TJP1: variants seen among roughly 807,000 people sequenced by gnomAD.
TJP1 encodes the protein tight junction protein ZO-1.
In TJP1, 43 loss-of-function variants were observed where a neutral mutation model predicts 194.2. The observed-to-expected ratio is 0.22, with a 90% CI of 0.17 to 0.29. The LOEUF is 0.29. Among genes scored for constraint, TJP1 ranks in the 10% least tolerant of loss-of-function variants. The pLI is 1.00. For missense variants in TJP1, 1,971 were observed against 2,185.7 expected, an observed-to-expected ratio of 0.90 and a Z score of 1.96; for synonymous variants, 801 against 779.0, an observed-to-expected ratio of 1.03 and a Z score of -0.47.
intron 19 of TJP1, 29 bp from the exon 20 acceptor site, chr15:29,720,045 T>C (rs767915020): frequency 9.0e-6 from 14 of 1,563,742 alleles, no homozygotes; most frequent in African/African-American, 5.5e-5. Flanking sequence ...ATTTTAAATA[T>C]AGTGTTTCTG....
At chr15:29,766,200 T>G in intron 5 of TJP1, 66 bp downstream of exon 5, 1 of 1,552,882 alleles carries the variant, frequency 6.4e-7, no homozygotes, top group Non-Finnish European at 8.7e-7. Context: ...ACAGCAACTG[T>G]ACTTCTCATT....
intron 2 of TJP1, among the ~76,000 whole-genome samples, chr15:29,936,586 G>A (rs1052908894): frequency 6.6e-6 from 1 of 152,124 alleles, no homozygotes; most frequent in Admixed American, 6.5e-5. Flanking sequence ...TCTTGGCTTG[G>A]TTTCAGATTA....
rs145758404 is a variant in TJP1 at position 29,917,914 on chromosome 15, G to A, written c.306+38318C>T. Among the ~76,000 whole-genome samples, 496 of 152,236 alleles carry A rather than the reference G, an allele frequency of 3.3e-3. 4 individuals are homozygous for A. Among genetic ancestry groups the A allele is most frequent in the African/African-American group, 0.011 (470 of 41,544 alleles). ...AGTATACTCACATTGTTGTGCAACC[G>A]TCACCCCCATCCATCTCTGGGACTT... On this transcript the variant is annotated intron_variant, in intron 2 of 28. Coordinates refer to the TJP1 transcript ENST00000356107.
At chr15:29,873,442 G>A (rs991140579) in intron 2 of TJP1, among the ~76,000 whole-genome samples, 4 of 152,172 alleles carry the variant, frequency 2.6e-5, no homozygotes, top group African/African-American at 9.7e-5. Flanking sequence ...CACTCCTGCG[G>A]TCCCTACTCC....
intron 8 of TJP1, among the ~76,000 whole-genome samples, chr15:29,751,923 T>A (rs2045308235): frequency 6.6e-6 from 1 of 152,116 alleles, no homozygotes; most frequent in Non-Finnish European, 1.5e-5. Flanking sequence ...TTACTTTTTA[T>A]TTTTGTACTA....
chr15:29,867,001 T>TG (rs2052330486), intron 2 of TJP1, among the ~76,000 whole-genome samples: 1 of 152,208 alleles, frequency 6.6e-6, no homozygotes, highest in African/African-American at 2.4e-5. Flanking sequence ...TTCATTCACG[T>TG]GGGTACTCAA....
chr15:29,949,389 C>A (rs2055456121), intron 2 of TJP1, among the ~76,000 whole-genome samples: 1 of 144,762 alleles, frequency 6.9e-6, no homozygotes, highest in African/African-American at 2.6e-5. Context: ...GCTACCTCCA[C>A]CACCACCACC....
In TJP1 at chr15:29,718,931, A is replaced by G; in HGVS notation, c.3211T>C (p.Ser1071Pro). Reference protein sequence around the residue: ...YESSSYTDQFSRNYEHRLRYE... With the variant: ...YESSSYTDQFPRNYEHRLRYE... ...CGCAGACGATGTTCATAGTTTCGAG[A>G]AAACTGGTCCGTATAGCTTGAGGAC... The change falls in exon 21 of 28, where the codon TCT becomes CCT. Residue 1071 changes from serine to proline, a missense_variant. Physicochemically the swap from Ser to Pro is moderately conservative, Grantham distance 74. Around this residue, in one of 5 missense-constraint regions of TJP1, gnomAD observed 1,108 missense variants for 1,128.5 expected, o/e 0.98. Transcript: ENST00000614355. 6.2e-7 allele frequency: 1 copy of G among 1,614,154 alleles called. No individual in the cohort carries two copies. Among genetic ancestry groups the G allele is most frequent in the South Asian group, 1.1e-5 (1 of 91,082 alleles).
intron 1 of TJP1, among the ~76,000 whole-genome samples, chr15:29,807,317 T>A (rs903571024): frequency 3.9e-5 from 6 of 152,368 alleles, no homozygotes; most frequent in African/African-American, 1.4e-4. Context: ...GCTTAAAAGT[T>A]ACCATTATGT....
intron 2 of TJP1, among the ~76,000 whole-genome samples, chr15:29,880,914 A>G (rs903002821): frequency 6.6e-6 from 1 of 152,210 alleles, no homozygotes; most frequent in African/African-American, 2.4e-5. Context: ...GGGAGTGCAA[A>G]TATCTCTTCA....
intron 2 of TJP1, among the ~76,000 whole-genome samples, chr15:29,845,740 C>G (rs1191519596): frequency 6.6e-6 from 1 of 152,098 alleles, no homozygotes; most frequent in Non-Finnish European, 1.5e-5. Flanking sequence ...GGAGGCGGAG[C>G]TTATAGTGAG....
chr15:29,851,323 G>T (rs952850237), intron 2 of TJP1, among the ~76,000 whole-genome samples: 1 of 151,092 alleles, frequency 6.6e-6, no homozygotes, highest in African/African-American at 2.4e-5. Context: ...GTCGTTATTA[G>T]TATAATAACC....
At chr15:29,943,146 A>G (rs574768749) in intron 2 of TJP1, among the ~76,000 whole-genome samples, 13 of 152,292 alleles carry the variant, frequency 8.5e-5, no homozygotes, top group African/African-American at 3.1e-4. Flanking sequence ...GCCACAAGGG[A>G]TTTTATATGT....
intron 24 of TJP1, among the ~76,000 whole-genome samples, chr15:29,710,540 CAT>C (rs1566864856): frequency 1.3e-5 from 2 of 152,126 alleles, no homozygotes; most frequent in Non-Finnish European, 2.9e-5. Context: ...TGAGATAAAA[CAT>C]AGTAGGTTTT....
chr15:29,906,799 C>T (rs1449801049), intron 2 of TJP1, among the ~76,000 whole-genome samples: 3 of 151,706 alleles, frequency 2.0e-5, no homozygotes, highest in Non-Finnish European at 2.9e-5. Context: ...AGGCTAGTCT[C>T]GAACTCCTGA....
In TJP1 at chr15:29,953,140, A is replaced by ATTTTTTTTTTTTTTTTTT. The variant is rs71416442; in HGVS notation, c.306+3074_306+3091dup. 2.7e-4 allele frequency among the ~76,000 whole-genome samples: 30 copies of ATTTTTTTTTTTTTTTTTT among 110,996 alleles called. 2 individuals carry two copies. The highest frequency in any genetic ancestry group is 5.7e-3 in the Middle Eastern group (1 of 176). 72.8% of individuals were successfully genotyped at this position (110,996 alleles called of 152,430 possible). ...TTCCTTCTTTCATAAAAGAAGACAG[A>ATTTTTTTTTTTTTTTTTT]TTTTTTTTTTTTTTTTTTTGCAACG... On this transcript the variant is annotated intron_variant, in intron 2 of 28. Transcript: ENST00000356107.
intron 2 of TJP1, among the ~76,000 whole-genome samples, chr15:29,890,251 G>T (rs2053259331): frequency 6.6e-6 from 1 of 152,178 alleles, no homozygotes; most frequent in African/African-American, 2.4e-5. Context: ...CATTTAAAAT[G>T]AACTGATTGT....
chr15:29,743,691 C>G (rs996947893), intron 8 of TJP1, among the ~76,000 whole-genome samples: 1 of 152,134 alleles, frequency 6.6e-6, no homozygotes, highest in Non-Finnish European at 1.5e-5. Flanking sequence ...AGAGCCACTA[C>G]ACTCCAGCCT....
At chr15:29,821,144 A>C (rs2050310390) in intron 1 of TJP1, among the ~76,000 whole-genome samples, 1 of 152,204 alleles carries the variant, frequency 6.6e-6, no homozygotes, top group Non-Finnish European at 1.5e-5. Context: ...AATATACAAA[A>C]TGGGAGGAGC....
Sources: gnomAD v4.1 joint callset for allele counts (sites outside exome capture counted in the v4.1 genomes callset) on GRCh38, gnomAD v4.1.1 for gene constraint, gnomAD v4.1.1 regional missense constraint, MANE v1.5 for transcripts, NCBI Gene and HGNC (gene_info 2026-07-23, HGNC 2026-07-21) for gene names.